Variants in MGMT observed in about 807,000 individuals in gnomAD.
MGMT encodes the protein O-6-methylguanine-DNA methyltransferase, also known as methylated-DNA--protein-cysteine methyltransferase.
A neutral mutation model predicts 15.9 loss-of-function variants in MGMT; 14 were observed. The observed-to-expected ratio is 0.88, with a 90% CI of 0.58 to 1.37. The LOEUF (loss-of-function observed/expected upper bound fraction) is 1.37, where lower values mean the gene tolerates loss of function less well. Ranked by LOEUF, MGMT falls within the 40% of genes most tolerant of loss-of-function variation. The pLI, the probability that MGMT is intolerant of heterozygous loss-of-function variation, is 0.00. For synonymous variants in MGMT, 130 were observed against 118.2 expected (o/e 1.10, Z -0.65); for missense variants, 282 against 268.1 (o/e 1.05, Z -0.36).
chr10:129,684,332 C>T (rs187939667), intron 2 of MGMT, among the ~76,000 whole-genome samples: 3 of 152,286 alleles, frequency 2.0e-5, no homozygotes, highest in Non-Finnish European at 2.9e-5. Context: ...GTTTGAAATA[C>T]GAATTAGTTC....
intron 2 of MGMT, among the ~76,000 whole-genome samples, chr10:129,555,909 C>G (rs917861524): frequency 2.0e-5 from 3 of 152,182 alleles, no homozygotes; most frequent in Non-Finnish European, 4.4e-5. Flanking sequence ...CCCACTGGGA[C>G]TCTCTAGGGC....
chr10:129,758,201 G>T (rs1848828889), intron 3 of MGMT, among the ~76,000 whole-genome samples: 1 of 152,162 alleles, frequency 6.6e-6, no homozygotes, highest in Non-Finnish European at 1.5e-5. Context: ...GTAAGGGTGT[G>T]TTTCCTTTAA....
intron 1 of MGMT, among the ~76,000 whole-genome samples, chr10:129,518,525 C>T (rs1308992483): frequency 8.4e-6 from 1 of 119,584 alleles, no homozygotes; most frequent in Non-Finnish European, 1.8e-5. Context: ...TCCCCCTGCC[C>T]CTCCTCCCCT....
chr10:129,561,987 A>G (rs762391270), intron 2 of MGMT, among the ~76,000 whole-genome samples: 4 of 152,204 alleles, frequency 2.6e-5, no homozygotes, highest in Non-Finnish European at 5.9e-5. Context: ...CTCGAACGAA[A>G]TTTAAAAAGA....
At chr10:129,709,483 C>T (rs530025904) in intron 3 of MGMT, among the ~76,000 whole-genome samples, 130 of 152,322 alleles carry the variant, frequency 8.5e-4, no homozygotes, top group African/African-American at 3.1e-3. Flanking sequence ...TCTATACGAT[C>T]TCTTTTTGGG....
At chr10:129,512,877 G>A (rs940548993) in intron 1 of MGMT, among the ~76,000 whole-genome samples, 2 of 151,584 alleles carry the variant, frequency 1.3e-5, no homozygotes, top group African/African-American at 4.8e-5. Context: ...ATTCCCATGT[G>A]GCCCAGCAAT....
chr10:129,536,182 T>C, intron 1 of MGMT, 59 bp from the exon 2 acceptor site: 13 of 1,577,862 alleles, frequency 8.2e-6, no homozygotes, highest in Non-Finnish European at 1.1e-5. Context: ...CTGTTGTGTG[T>C]TTTATATACG....
At chr10:129,524,268 A>C (rs1348583138) in intron 1 of MGMT, among the ~76,000 whole-genome samples, 1 of 152,172 alleles carries the variant, frequency 6.6e-6, no homozygotes, top group Non-Finnish European at 1.5e-5. Flanking sequence ...GCCTTGCCAA[A>C]CAAACAAACA....
At chr10:129,608,753 G>C (rs1199014150) in intron 2 of MGMT, among the ~76,000 whole-genome samples, 2 of 152,194 alleles carry the variant, frequency 1.3e-5, no homozygotes. Flanking sequence ...TTCTTTGGGA[G>C]GGGAGATGTG....
intron 2 of MGMT, among the ~76,000 whole-genome samples, chr10:129,617,447 A>G (rs529370704): frequency 1.3e-5 from 2 of 152,236 alleles, no homozygotes; most frequent in East Asian, 1.9e-4. Context: ...TGTGTGCCCA[A>G]TAATAGGATT....
intron 2 of MGMT, among the ~76,000 whole-genome samples, chr10:129,656,678 G>A (rs772266552): frequency 3.9e-5 from 6 of 152,150 alleles, no homozygotes; most frequent in Non-Finnish European, 5.9e-5. Flanking sequence ...ACAACTCGAA[G>A]CAGGGAAGGG....
chr10:129,516,986 C>G (rs576711215), intron 1 of MGMT, among the ~76,000 whole-genome samples: 1 of 152,364 alleles, frequency 6.6e-6, no homozygotes, highest in South Asian at 2.1e-4. Flanking sequence ...AGTTCTACCC[C>G]GAGTGCGGTT....
At chr10:129,577,227 A>G (rs1293077774) in intron 2 of MGMT, among the ~76,000 whole-genome samples, 9 of 152,260 alleles carry the variant, frequency 5.9e-5, no homozygotes, top group Non-Finnish European at 1.3e-4. Context: ...CACATTGCCA[A>G]GTCAATCCTA....
chr10:129,591,210 G>A (rs189811260), intron 2 of MGMT, among the ~76,000 whole-genome samples: 2 of 152,292 alleles, frequency 1.3e-5, no homozygotes, highest in Admixed American at 1.3e-4. Flanking sequence ...TTCAAATATT[G>A]TCCATTTTTA....
chr10:129,479,618 G>T (rs928031695), intron 1 of MGMT, among the ~76,000 whole-genome samples: 1 of 152,106 alleles, frequency 6.6e-6, no homozygotes. Context: ...GAGTGGAGGT[G>T]GTGGAAAGCT....
chr10:129,629,051 G>A (rs1435336725), intron 2 of MGMT, among the ~76,000 whole-genome samples: 1 of 151,752 alleles, frequency 6.6e-6, no homozygotes, highest in African/African-American at 2.4e-5. Context: ...CGTCAGCCTT[G>A]CCCTGCATGC....
chr10:129,677,537 A>G (rs1564758010), intron 2 of MGMT, among the ~76,000 whole-genome samples: 1 of 152,128 alleles, frequency 6.6e-6, no homozygotes, highest in African/African-American at 2.4e-5. Flanking sequence ...GATCTGAAAA[A>G]TCCCATGTAA....
chr10:129,755,551 C>T (rs1378241762), intron 3 of MGMT, among the ~76,000 whole-genome samples: 1 of 152,228 alleles, frequency 6.6e-6, no homozygotes, highest in Non-Finnish European at 1.5e-5. Context: ...GAAGGATGCC[C>T]CTTCCCCCCA....
rs552066388 is a variant in MGMT at position 129,770,774 on chromosome 10, C to T, written c.*3777C>T. 6.6e-6 allele frequency among the ~76,000 whole-genome samples: 1 copy of T among 152,304 alleles called. No individual in the cohort carries two copies. The highest frequency in any genetic ancestry group is 2.1e-4 in the South Asian group (1 of 4,828). Reference sequence around the variant, plus strand: ...AATCCCGAAACGGCCCTTGCTTCGGCCACAGCTGCTGGGATGTCCTCGGGC... The same window carrying T: ...AATCCCGAAACGGCCCTTGCTTCGGTCACAGCTGCTGGGATGTCCTCGGGC... On this transcript the variant is annotated 3_prime_UTR_variant, in exon 5 of 5. Coordinates refer to ENST00000651593, the MANE Select transcript of MGMT (RefSeq NM_002412.5).
Sources: gnomAD v4.1 joint callset for allele counts (sites outside exome capture counted in the v4.1 genomes callset) on GRCh38, gnomAD v4.1.1 for gene constraint, MANE v1.5 for transcripts, NCBI Gene and HGNC (gene_info 2026-07-23, HGNC 2026-07-21) for gene names.